FBRSL1: variants seen among roughly 807,000 people sequenced by gnomAD.
FBRSL1 encodes fibrosin-1-like protein.
FBRSL1 carries 51 observed loss-of-function variants against 89.6 expected under a neutral mutation model. That is an observed-to-expected ratio of 0.57 (90% CI 0.45 to 0.72). FBRSL1 has a LOEUF of 0.72. Ranked by LOEUF, FBRSL1 falls within the 30% of genes least tolerant of loss-of-function variation. The pLI is 0.00. For missense variants in FBRSL1, 1,618 were observed against 1,451.8 expected (o/e 1.11, Z -1.86); for synonymous variants, 779 against 681.1 (o/e 1.14, Z -2.24).
intron 3 of FBRSL1, among the ~76,000 whole-genome samples, chr12:132,526,109 A>T (rs1221189953): frequency 6.6e-6 from 1 of 152,246 alleles, no homozygotes; most frequent in Non-Finnish European, 1.5e-5. Flanking sequence ...ATTAGGAGAG[A>T]TTTAAATGAA....
At chr12:132,582,724 T>TG (rs1242918839) in intron 18 of FBRSL1, among the ~76,000 whole-genome samples, 1 of 151,954 alleles carries the variant, frequency 6.6e-6, no homozygotes, top group African/African-American at 2.4e-5. Flanking sequence ...GAGGGGCCCG[T>TG]GGGGAGCCGA....
At chr12:132,494,526 T>G (rs1402433052) in intron 1 of FBRSL1, among the ~76,000 whole-genome samples, 1 of 152,220 alleles carries the variant, frequency 6.6e-6, no homozygotes, top group Non-Finnish European at 1.5e-5. Context: ...TCGGCCCCAG[T>G]GACGCTGGCC....
chr12:132,524,916 G>T (rs993361926), intron 2 of FBRSL1, among the ~76,000 whole-genome samples: 1 of 152,232 alleles, frequency 6.6e-6, no homozygotes, highest in Non-Finnish European at 1.5e-5. Flanking sequence ...CTGCGCCTCT[G>T]TTTTCTCATC....
intron 2 of FBRSL1, among the ~76,000 whole-genome samples, chr12:132,523,452 G>A (rs978678327): frequency 6.6e-6 from 1 of 152,134 alleles, no homozygotes; most frequent in African/African-American, 2.4e-5. Context: ...GCCCCTCTGT[G>A]GCATGGGGGT....
intron 2 of FBRSL1, chr12:132,509,812 C>T (rs1473067611): frequency 8.1e-6 from 10 of 1,231,596 alleles, no homozygotes; most frequent in Non-Finnish European, 9.1e-6. Context: ...TCGCTGCTAG[C>T]CCAGTGCCAG....
chr12:132,515,727 C>T (rs112811140), intron 2 of FBRSL1, among the ~76,000 whole-genome samples: 42,293 of 151,392 alleles, frequency 0.28, 5,901 homozygotes, highest in East Asian at 0.3. Context: ...TGGTGAAACC[C>T]GTCTCTACTA....
Position 132,547,166 on chromosome 12 carries a change from G to A in FBRSL1, c.616-837G>A, listed in dbSNP as rs1325349388. ...ACTGAAAACGGAGAACGGACAGTCA[G>A]TGTGTTCTTCGTAGGGCTCTGCTTA... On this transcript the variant is annotated intron_variant, in intron 4 of 18. Coordinates refer to ENST00000680143, the MANE Select transcript of FBRSL1 (RefSeq NM_001367871.1). 2.0e-5 allele frequency among the ~76,000 whole-genome samples: 3 copies of A among 152,058 alleles called. No homozygotes were observed. The East Asian group carries it at 5.8e-4, about 29-fold the overall frequency.
chr12:132,565,310 G>C (rs892165533), intron 5 of FBRSL1: 1 of 152,244 alleles, frequency 6.6e-6, no homozygotes, highest in Admixed American at 6.5e-5. Context: ...AGAGGGGACT[G>C]CTCTCTCCTG....
intron 6 of FBRSL1, among the ~76,000 whole-genome samples, 200 bp downstream of exon 6, chr12:132,567,726 AGGCAGGGCCTGGGCTCCGCTCGTAGCAGC>A (rs1325993679): frequency 2.0e-5 from 3 of 152,266 alleles, no homozygotes; most frequent in Non-Finnish European, 4.4e-5. Flanking sequence ...ACTGAGCCCT[AGGCAGGGCCTGGGCTCCGCTCGTAGCAGC>A]GGCTCCCAGA....
intron 1 of FBRSL1, among the ~76,000 whole-genome samples, chr12:132,492,429 G>C (rs1020814100): frequency 5.3e-5 from 8 of 152,156 alleles, no homozygotes; most frequent in Admixed American, 5.2e-4. Flanking sequence ...TCTCCCACAA[G>C]AACTTGTAAG....
At position 132,582,067 on chromosome 12, in the gene FBRSL1, G is replaced by C. The variant is rs1361638694; in HGVS notation, c.2002G>C (p.Gly668Arg). 2 of 1,546,126 alleles carry C rather than the reference G, an allele frequency of 1.3e-6. No individual in the cohort carries two copies. The highest frequency in any genetic ancestry group is 2.4e-5 in the South Asian group (2 of 83,848). ...TCCCCGGCCTCTGCCCCCAGCTCCC[G>C]GTGGCAGCATCTTTGCCCCCAAGGA... ...GGLGSHALAPGGSIFAPKEGS... is the reference protein window; with the variant it reads ...GGLGSHALAPRGSIFAPKEGS... The change falls in exon 18 of 19, where the codon GGT becomes CGT. Residue 668 changes from glycine to arginine, a missense_variant. Transcript: ENST00000680143.
chr12:132,492,812 GC>G (rs1169894265), intron 1 of FBRSL1, among the ~76,000 whole-genome samples: 2 of 152,224 alleles, frequency 1.3e-5, no homozygotes, highest in African/African-American at 4.8e-5. Context: ...GCCCTTCGGA[GC>G]CTGCCTGGGA....
In FBRSL1 at chr12:132,583,343, G is replaced by A; in HGVS notation, c.2574G>A (p.Leu858=). ...TCGCGTGGGAGCCTTTCCGCGGCCTGGAGCTGCCACGTCGCGCCTTCCCCG... is the reference window on the plus strand; with the variant it reads ...TCGCGTGGGAGCCTTTCCGCGGCCTAGAGCTGCCACGTCGCGCCTTCCCCG... ...PGFAWEPFRG[L]ELPRRAFPAA... The change falls in exon 19 of 19, where the codon CTG becomes CTA. Residue 858 remains leucine (L), a synonymous_variant. Transcript: ENST00000680143. 1 of 1,170,464 alleles carries A rather than the reference G, an allele frequency of 8.5e-7. No homozygotes were observed. The highest frequency in any genetic ancestry group is 3.7e-4 in the Middle Eastern group (1 of 2,730). 72.5% of individuals were successfully genotyped at this position (1,170,464 alleles called of 1,614,324 possible).
intron 1 of FBRSL1, among the ~76,000 whole-genome samples, chr12:132,493,589 C>G (rs1016013423): frequency 6.6e-6 from 1 of 152,242 alleles, no homozygotes; most frequent in Non-Finnish European, 1.5e-5. Flanking sequence ...ACAGGCACCC[C>G]TTGCCCTGTG....
chr12:132,520,520 A>G (rs993217623), intron 2 of FBRSL1, among the ~76,000 whole-genome samples: 84 of 152,308 alleles, frequency 5.5e-4, no homozygotes, highest in African/African-American at 1.9e-3. Flanking sequence ...GGTGGGGACA[A>G]CAGTCCACAA....
intron 2 of FBRSL1, among the ~76,000 whole-genome samples, chr12:132,521,978 A>G (rs544757571): frequency 6.6e-6 from 1 of 152,074 alleles, no homozygotes; most frequent in South Asian, 2.1e-4. Flanking sequence ...AGGTGTGTAC[A>G]GGGCCAGTGT....
At chr12:132,551,447 G>A (rs575247531) in intron 5 of FBRSL1, 5 of 456,346 alleles carry the variant, frequency 1.1e-5, no homozygotes, top group African/African-American at 1.0e-4. Flanking sequence ...GGATGCCGGG[G>A]CAGGTGGCAG....
intron 5 of FBRSL1, among the ~76,000 whole-genome samples, chr12:132,562,388 T>G (rs1265161087): frequency 6.6e-6 from 1 of 152,100 alleles, no homozygotes; most frequent in Non-Finnish European, 1.5e-5. Flanking sequence ...GGAGGGTCCC[T>G]TTCTGGGGTG....
intron 4 of FBRSL1, among the ~76,000 whole-genome samples, chr12:132,537,576 A>G (rs1488407263): frequency 6.6e-6 from 1 of 152,194 alleles, no homozygotes; most frequent in Non-Finnish European, 1.5e-5. Flanking sequence ...AGGTGGTGCT[A>G]AGCAGGTGTC....
Sources: gnomAD v4.1 joint callset for allele counts (sites outside exome capture counted in the v4.1 genomes callset) on GRCh38, gnomAD v4.1.1 for gene constraint, MANE v1.5 for transcripts, NCBI Gene and HGNC (gene_info 2026-07-23, HGNC 2026-07-21) for gene names.